Variants in RAB22A observed in about 807,000 individuals in gnomAD.
RAB22A encodes ras-related protein Rab-22A.
Under a neutral mutation model 30.2 loss-of-function variants are expected in RAB22A, and 13 were observed. That is an observed-to-expected ratio of 0.43 (90% CI 0.28 to 0.68). The LOEUF is 0.68. RAB22A is among the 30% of genes least tolerant of loss of function. The probability of loss-of-function intolerance (pLI) is 0.18; values close to 1 mark genes in which losing one functional copy is unlikely to be tolerated. For missense variants in RAB22A, 177 were observed against 246.8 expected, an observed-to-expected ratio of 0.72 and a Z score of 1.89; for synonymous variants, 89 against 87.2, an observed-to-expected ratio of 1.02 and a Z score of -0.11.
intron 3 of RAB22A, among the ~76,000 whole-genome samples, chr20:58,350,067 G>A (rs759341955): frequency 6.6e-6 from 1 of 151,740 alleles, no homozygotes; most frequent in Non-Finnish European, 1.5e-5. Context: ...TTCCAAACCA[G>A]CATGGACAAC....
At chr20:58,353,660 T>A in intron 5 of RAB22A, 122 bp downstream of exon 5, 1 of 913,504 alleles carries the variant, frequency 1.1e-6, no homozygotes, top group Admixed American at 2.8e-5. Flanking sequence ...CTTTTGGTTG[T>A]GTGGTTGGAG....
chr20:58,330,761 C>G (rs1986648394), intron 2 of RAB22A, among the ~76,000 whole-genome samples: 1 of 152,186 alleles, frequency 6.6e-6, no homozygotes. Context: ...CAGTGAGCCT[C>G]TGGATTGGCA....
At chr20:58,336,783 T>G (rs1751943043) in intron 2 of RAB22A, among the ~76,000 whole-genome samples, 1 of 152,076 alleles carries the variant, frequency 6.6e-6, no homozygotes, top group Non-Finnish European at 1.5e-5. Context: ...CTCCAGGAGA[T>G]TCTGGCTTAC....
At chr20:58,310,124 T>C (rs958590333) in intron 1 of RAB22A, 112 bp downstream of exon 1, 1 of 1,066,666 alleles carries the variant, frequency 9.4e-7, no homozygotes, top group Non-Finnish European at 1.2e-6. Context: ...AGACGCTGTC[T>C]GCCAGCCCCG....
intron 4 of RAB22A, 41 bp from the exon 5 acceptor site, chr20:58,353,390 GT>G (rs1987084004): frequency 6.2e-7 from 1 of 1,608,528 alleles, no homozygotes; most frequent in Non-Finnish European, 8.5e-7. Flanking sequence ...AACTCTTTTG[GT>G]TGCTTAGATC....
intron 2 of RAB22A, among the ~76,000 whole-genome samples, chr20:58,330,659 G>T (rs906986851): frequency 6.6e-6 from 1 of 152,186 alleles, no homozygotes; most frequent in Non-Finnish European, 1.5e-5. Context: ...TCAGACGGTT[G>T]TGTTGGGATG....
At position 58,309,721 on chromosome 20, in the gene RAB22A, C is replaced by G. The variant is rs1006603866; in HGVS notation, c.-256C>G. 1.9e-5 allele frequency: 4 copies of G among 214,444 alleles called. No individual in the cohort carries two copies. Among genetic ancestry groups the G allele is most frequent in the African/African-American group, 9.3e-5 (4 of 42,898 alleles). The allele number at this position is 214,444 out of a possible 1,614,324, so 13.3% of individuals were successfully genotyped here. On this transcript the variant is annotated 5_prime_UTR_variant, in exon 1 of 7. Transcript: ENST00000244040. ...CGAGGTGGGCGGGGAGGTCAGGTGA[C>G]GCGGCCGGCGTCCCAAGATGGCGGC... is the stretch of plus-strand genomic sequence containing the variant.
intron 2 of RAB22A, among the ~76,000 whole-genome samples, chr20:58,329,587 T>C (rs751383053): frequency 6.6e-5 from 10 of 152,212 alleles, no homozygotes; most frequent in Non-Finnish European, 1.5e-4. Context: ...AAATGTGTAA[T>C]ATACTCTGGG....
chr20:58,360,789 G>C lies in RAB22A; in HGVS notation c.*1086G>C, dbSNP rs917655163. The C allele has an allele frequency of 1.3e-5, 2 of 152,500 alleles. No homozygotes were observed. Among genetic ancestry groups the C allele is most frequent in the Non-Finnish European group, 2.9e-5 (2 of 68,048 alleles). The allele number at this position is 152,500 out of a possible 1,614,324, so 9.4% of individuals were successfully genotyped here. ...AGCACTTAGCTTACAATCTTTAAAG[G>C]TTTCTCTGCCTTCCCTTCTACCCAC... On this transcript the variant is annotated 3_prime_UTR_variant, in exon 7 of 7. Coordinates refer to ENST00000244040, the MANE Select transcript of RAB22A (RefSeq NM_020673.3).
At chr20:58,329,301 C>T (rs1175131813) in intron 2 of RAB22A, among the ~76,000 whole-genome samples, 3 of 152,188 alleles carry the variant, frequency 2.0e-5, no homozygotes, top group Non-Finnish European at 2.9e-5. Flanking sequence ...GATCTGCCTG[C>T]CTCAGCATCC....
chr20:58,347,364 TAAATG>T (rs569010862), intron 3 of RAB22A, among the ~76,000 whole-genome samples: 75 of 152,308 alleles, frequency 4.9e-4, no homozygotes, highest in South Asian at 3.5e-3. Context: ...CTTGTTAACT[TAAATG>T]AAGAGGAAAA....
chr20:58,363,233 T>C lies in RAB22A; in HGVS notation c.*3530T>C, dbSNP rs560004115. 1 of 152,328 alleles carries C rather than the reference T, an allele frequency of 6.6e-6. No homozygotes were observed. Among genetic ancestry groups the C allele is most frequent in the South Asian group, 2.1e-4 (1 of 4,830 alleles). The allele number at this position is 152,328 out of a possible 1,614,324, so 9.4% of individuals were successfully genotyped here. A position where few individuals can be genotyped will look rare whatever the true frequency, so the allele number is the denominator to read the frequency against. On this transcript the variant is annotated 3_prime_UTR_variant, in exon 7 of 7. Coordinates refer to ENST00000244040, the MANE Select transcript of RAB22A (RefSeq NM_020673.3). ...CATTTGCTCATGGTTACAGGCATCT[T>C]TTAGATTCTAAGAGTGAGTTACAGA...
chr20:58,351,556 G>A (rs571115822), intron 3 of RAB22A, among the ~76,000 whole-genome samples: 170 of 152,334 alleles, frequency 1.1e-3, no homozygotes, highest in African/African-American at 3.9e-3. Flanking sequence ...GCTCACGCCT[G>A]TAATCCCAGC....
At chr20:58,354,413 G>A in intron 6 of RAB22A, 148 bp downstream of exon 6, 1 of 569,624 alleles carries the variant, frequency 1.8e-6, no homozygotes, top group Non-Finnish European at 3.0e-6. Context: ...TAAGAGTAAT[G>A]TCCAGTTTTC....
At chr20:58,355,782 A>C (rs1020750811) in intron 6 of RAB22A, among the ~76,000 whole-genome samples, 1 of 152,196 alleles carries the variant, frequency 6.6e-6, no homozygotes, top group Admixed American at 6.5e-5. Flanking sequence ...CATTGATTGC[A>C]CCGCTACACT....
chr20:58,340,463 A>G (rs1200111421), intron 2 of RAB22A, among the ~76,000 whole-genome samples: 1 of 152,194 alleles, frequency 6.6e-6, no homozygotes, highest in Non-Finnish European at 1.5e-5. Context: ...GCATTTCAAT[A>G]GTACTTCTCA....
At chr20:58,311,399 TCA>T (rs1568862208) in intron 2 of RAB22A, among the ~76,000 whole-genome samples, 1 of 152,184 alleles carries the variant, frequency 6.6e-6, no homozygotes, top group Non-Finnish European at 1.5e-5. Context: ...TCTATAAATA[TCA>T]ACAGCAATTA....
intron 2 of RAB22A, among the ~76,000 whole-genome samples, chr20:58,336,708 A>G (rs919580306): frequency 6.6e-6 from 1 of 152,238 alleles, no homozygotes; most frequent in Admixed American, 6.5e-5. Context: ...TATTTTTAGA[A>G]TATCTCTGAA....
In RAB22A at chr20:58,362,282, A is replaced by G. The variant is rs934022595; in HGVS notation, c.*2579A>G. On this transcript the variant is annotated 3_prime_UTR_variant, in exon 7 of 7. Coordinates refer to ENST00000244040, the MANE Select transcript of RAB22A (RefSeq NM_020673.3). ...TTGCTTCTAAAATGCAAAGATGAATACTAAAGTCAGAAGCAGTGTTTCATT... is the reference window on the plus strand; with the variant it reads ...TTGCTTCTAAAATGCAAAGATGAATGCTAAAGTCAGAAGCAGTGTTTCATT... 2 of 152,274 alleles carry G rather than the reference A, an allele frequency of 1.3e-5. No individual in the cohort carries two copies. Among genetic ancestry groups the G allele is most frequent in the African/African-American group, 4.8e-5 (2 of 41,476 alleles). The allele number at this position is 152,274 out of a possible 1,614,324, so 9.4% of individuals were successfully genotyped here.
Sources: gnomAD v4.1 joint callset for allele counts (sites outside exome capture counted in the v4.1 genomes callset) on GRCh38, gnomAD v4.1.1 for gene constraint, MANE v1.5 for transcripts, NCBI Gene and HGNC (gene_info 2026-07-23, HGNC 2026-07-21) for gene names.